LAMC1: variants seen among roughly 807,000 people sequenced by gnomAD.
The protein encoded by LAMC1 is laminin subunit gamma-1.
LAMC1 carries 38 observed loss-of-function variants against 173.6 expected under a neutral mutation model. The ratio of observed to expected loss-of-function variants is 0.22; its 90% CI spans 0.17 to 0.29. The LOEUF is 0.29. Among genes scored for constraint, LAMC1 ranks in the 10% least tolerant of loss-of-function variants. LAMC1 has a pLI of 1.00. For missense variants in LAMC1, 1,824 were observed against 2,051.8 expected (o/e 0.89, Z 2.14); for synonymous variants, 746 against 749.1 (o/e 1.00, Z 0.07).
intron 1 of LAMC1, among the ~76,000 whole-genome samples, chr1:183,064,572 T>A (rs1485257980): frequency 6.6e-6 from 1 of 152,192 alleles, no homozygotes; most frequent in Non-Finnish European, 1.5e-5. Context: ...TACCCAATTT[T>A]TGGTGAATCA....
chr1:183,091,477 C>T (rs1203450307), intron 1 of LAMC1, among the ~76,000 whole-genome samples: 5 of 152,058 alleles, frequency 3.3e-5, no homozygotes, highest in Admixed American at 6.6e-5. Context: ...GTGTGTCCTA[C>T]CTCCCTCCCT....
At chr1:183,033,851 G>A (rs1354945987) in intron 1 of LAMC1, among the ~76,000 whole-genome samples, 1 of 151,904 alleles carries the variant, frequency 6.6e-6, no homozygotes, top group Non-Finnish European at 1.5e-5. Flanking sequence ...ACACCACCAT[G>A]CCCTGCTAGG....
intron 2 of LAMC1, among the ~76,000 whole-genome samples, chr1:183,103,849 T>C (rs1400773901): frequency 6.6e-6 from 1 of 152,206 alleles, no homozygotes; most frequent in East Asian, 1.9e-4. Context: ...TGTTTGTTCT[T>C]ATGCACTTGC....
At chr1:183,133,629 CCTCT>C (rs1656861109) in intron 22 of LAMC1, 79 bp downstream of exon 22, 3 of 1,314,062 alleles carry the variant, frequency 2.3e-6, no homozygotes, top group Admixed American at 4.7e-5. Flanking sequence ...TCTGCACCTC[CCTCT>C]GTCCTCCCAC....
chr1:183,033,616 C>T (rs1653901006), intron 1 of LAMC1, among the ~76,000 whole-genome samples: 1 of 152,166 alleles, frequency 6.6e-6, no homozygotes, highest in Admixed American at 6.5e-5. Context: ...TAAACATGGT[C>T]TAGGTAATGG....
At chr1:183,069,350 C>G (rs912356898) in intron 1 of LAMC1, among the ~76,000 whole-genome samples, 4 of 151,990 alleles carry the variant, frequency 2.6e-5, no homozygotes, top group Admixed American at 6.6e-5. Context: ...TATGTAAAAC[C>G]TAGAGAAATG....
At chr1:183,034,530 C>T (rs1653926623) in intron 1 of LAMC1, among the ~76,000 whole-genome samples, 1 of 152,198 alleles carries the variant, frequency 6.6e-6, no homozygotes, top group South Asian at 2.1e-4. Context: ...CTCGGCCTCC[C>T]AAAGTGCTGG....
intron 1 of LAMC1, among the ~76,000 whole-genome samples, chr1:183,087,933 C>T (rs1388153576): frequency 6.6e-6 from 1 of 151,894 alleles, no homozygotes; most frequent in Non-Finnish European, 1.5e-5. Context: ...CCTGCCTCAG[C>T]CTCCCAAGTA....
intron 27 of LAMC1, among the ~76,000 whole-genome samples, chr1:183,141,568 C>T (rs577892237): frequency 2.2e-4 from 33 of 152,306 alleles, no homozygotes; most frequent in Admixed American, 1.5e-3. Context: ...AACACTCTAG[C>T]CAGGACTCTT....
At chr1:183,098,091 G>A (rs995348268) in intron 1 of LAMC1, among the ~76,000 whole-genome samples, 4 of 152,082 alleles carry the variant, frequency 2.6e-5, no homozygotes, top group East Asian at 3.9e-4. Flanking sequence ...ACTTGCTCCC[G>A]CAGCATGTTG....
intron 1 of LAMC1, among the ~76,000 whole-genome samples, chr1:183,078,880 G>A (rs900756325): frequency 1.3e-5 from 2 of 152,182 alleles, no homozygotes; most frequent in Admixed American, 6.5e-5. Context: ...GGGCGTGGTG[G>A]TGCATGCCTG....
At chr1:183,052,493 C>T (rs955740193) in intron 1 of LAMC1, among the ~76,000 whole-genome samples, 8 of 152,048 alleles carry the variant, frequency 5.3e-5, no homozygotes, top group African/African-American at 1.9e-4. Flanking sequence ...GCCACCACGC[C>T]CAGCTAATTT....
chr1:183,080,326 C>G (rs1655237724), intron 1 of LAMC1, among the ~76,000 whole-genome samples: 1 of 152,224 alleles, frequency 6.6e-6, no homozygotes, highest in South Asian at 2.1e-4. Flanking sequence ...AGTTTCTAGG[C>G]TGTGTCCTTC....
At chr1:183,137,892 C>A in intron 26 of LAMC1, 65 bp downstream of exon 26, 1 of 1,339,868 alleles carries the variant, frequency 7.5e-7, no homozygotes, top group South Asian at 1.9e-5. Context: ...TAAAGATCCC[C>A]CACTTGTTGA....
intron 1 of LAMC1, among the ~76,000 whole-genome samples, chr1:183,078,318 C>T (rs1038083929): frequency 2.0e-5 from 3 of 152,164 alleles, no homozygotes; most frequent in African/African-American, 7.2e-5. Context: ...CGCGGTGGCT[C>T]ATGCCTGTAA....
At chr1:183,067,978 C>T (rs1298935103) in intron 1 of LAMC1, among the ~76,000 whole-genome samples, 5 of 152,098 alleles carry the variant, frequency 3.3e-5, no homozygotes, top group South Asian at 2.1e-4. Context: ...TTGTTGGCTT[C>T]GGATAAATCT....
chr1:183,023,423 C>A lies in LAMC1; in HGVS notation c.-294C>A, dbSNP rs1653581883. On this transcript the variant is annotated 5_prime_UTR_variant, in exon 1 of 28. Transcript: ENST00000258341. ...GCTCCTTCCTCCCCGGGGGCGCGCA[C>A]TCGGGCACGCGCTCGGAAGTCGGGG... The A allele has an allele frequency of 6.0e-6, 1 of 167,414 alleles. No individual in the cohort carries two copies. The highest frequency in any genetic ancestry group is 2.0e-4 in the South Asian group (1 of 4,912). 10.4% of individuals were successfully genotyped at this position (167,414 alleles called of 1,614,324 possible).
At chr1:183,118,354 T>C (rs949746064) in intron 11 of LAMC1, among the ~76,000 whole-genome samples, 1 of 152,190 alleles carries the variant, frequency 6.6e-6, no homozygotes, top group Admixed American at 6.5e-5. Flanking sequence ...GTAAATAGTA[T>C]TATTTACTAA....
At chr1:183,078,602 G>A (rs1655180468) in intron 1 of LAMC1, among the ~76,000 whole-genome samples, 2 of 151,848 alleles carry the variant, frequency 1.3e-5, no homozygotes, top group South Asian at 4.2e-4. Context: ...AAAATAGATG[G>A]AGTAATTTTA....
Sources: gnomAD v4.1 joint callset for allele counts (sites outside exome capture counted in the v4.1 genomes callset) on GRCh38, gnomAD v4.1.1 for gene constraint, MANE v1.5 for transcripts, NCBI Gene and HGNC (gene_info 2026-07-23, HGNC 2026-07-21) for gene names.